The following EMX1 variants were observed in gnomAD, a reference collection of about 807,000 sequenced individuals.
EMX1 encodes empty spiracles homeobox 1.
EMX1 carries 10 observed loss-of-function variants against 20.1 expected under a neutral mutation model. That is an observed-to-expected ratio of 0.50 (90% CI 0.31 to 0.84). The LOEUF (loss-of-function observed/expected upper bound fraction) is 0.84, where lower values mean the gene tolerates loss of function less well. Ranked by LOEUF, EMX1 falls within the 40% of genes least tolerant of loss-of-function variation. EMX1 has a pLI of 0.05. For synonymous variants in EMX1, 250 were observed against 200.4 expected, an observed-to-expected ratio of 1.25 and a Z score of -2.09; for missense variants, 424 against 431.9, an observed-to-expected ratio of 0.98 and a Z score of 0.16.
chr2:72,920,616 A>G (rs1307770203), intron 1 of EMX1, among the ~76,000 whole-genome samples: 1 of 152,206 alleles, frequency 6.6e-6, no homozygotes. Flanking sequence ...CCCCGTCTTA[A>G]TGCAACAAAC....
chr2:72,916,920 C>T, upstream of EMX1: 4 of 717,398 alleles, frequency 5.6e-6, no homozygotes, highest in South Asian at 5.9e-5. Flanking sequence ...GCTCCGGCGG[C>T]TTCTCCCGCG....
In EMX1 at chr2:72,924,009, A is replaced by C. The variant is rs973193507; in HGVS notation, c.521-300A>C. ...CCCCAGGCATTGTGAATGTGGGTCC[A>C]CGCCTCGTCCGGCCTGCCCCATCTC... On this transcript the variant is annotated intron_variant, in intron 1 of 2. Transcript: ENST00000258106. 2.3e-5 allele frequency: 12 copies of C among 525,262 alleles called. No individual in the cohort carries two copies. In the African/African-American group the frequency reaches 2.6e-4, roughly 11 times the overall value. The allele number at this position is 525,262 out of a possible 1,614,324, so 32.5% of individuals were successfully genotyped here.
At chr2:72,920,008 G>T (rs543648229) in intron 1 of EMX1, among the ~76,000 whole-genome samples, 272 of 152,310 alleles carry the variant, frequency 1.8e-3, no homozygotes, top group Middle Eastern at 3.4e-3. Flanking sequence ...GGGCTGGCGG[G>T]TTGGAGGCTT....
intron 2 of EMX1, chr2:72,933,291 A>G (rs1671313845): frequency 6.5e-6 from 1 of 153,224 alleles, no homozygotes; most frequent in African/African-American, 2.4e-5. Flanking sequence ...GGAAAAGAGC[A>G]TGGGGCTGGC....
chr2:72,917,148 T>G (rs1174591765), upstream of EMX1: 1 of 612,414 alleles, frequency 1.6e-6, no homozygotes, highest in Non-Finnish European at 3.0e-6. Context: ...ACATCCACCC[T>G]CCGCTCGGAT....
Position 72,918,592 on chromosome 2 carries a change from CTTTTCTAGAAAATATACCAG to C in EMX1, c.520+223_520+242del, listed in dbSNP as rs1234931020. ...AGGAAAGCAGGTGGAGACCTCCAGG[CTTTTCTAGAAAATATACCAG>C]TTCGGACGCAAGCCCAGGCGCGTCC... is the stretch of plus-strand genomic sequence containing the variant. On this transcript the variant is annotated intron_variant, in intron 1 of 2. Coordinates refer to ENST00000258106, the MANE Select transcript of EMX1 (RefSeq NM_004097.3). Among the ~76,000 whole-genome samples the C allele has an allele frequency of 2.6e-5, 4 of 152,390 alleles. 1 individual carries two copies. Among genetic ancestry groups the C allele is most frequent in the African/African-American group, 9.6e-5 (4 of 41,604 alleles).
chr2:72,918,955 T>A (rs1184888429), intron 1 of EMX1, among the ~76,000 whole-genome samples: 1 of 152,224 alleles, frequency 6.6e-6, no homozygotes, highest in East Asian at 1.9e-4. Context: ...CTTCTCCAAG[T>A]CACACGTGCC....
intron 2 of EMX1, chr2:72,926,127 C>A: frequency 2.0e-6 from 2 of 985,076 alleles, no homozygotes; most frequent in African/African-American, 1.7e-5. Flanking sequence ...TGTAAGAAAA[C>A]AAAAATGGTT....
At chr2:72,928,586 C>T (rs1243915602) in intron 2 of EMX1, among the ~76,000 whole-genome samples, 1 of 152,162 alleles carries the variant, frequency 6.6e-6, no homozygotes, top group African/African-American at 2.4e-5. Context: ...GTCAGTGTTT[C>T]CAGCTACTCC....
chr2:72,929,885 CCTT>C (rs955995628), intron 2 of EMX1, among the ~76,000 whole-genome samples: 2 of 152,228 alleles, frequency 1.3e-5, no homozygotes. Context: ...AGCAGTTTCA[CCTT>C]CTTCATTCTG....
At position 72,918,197 on chromosome 2, in the gene EMX1, C is replaced by T. The variant is rs1464482349; in HGVS notation, c.345C>T (p.Pro115=). ...CGGGCCGCTCGCTCTACGGTGGGCC[C>T]GAGCTCGTGTTCCCCGAGGCCATGA... is the stretch of plus-strand genomic sequence containing the variant. ...AGAGRSLYGG[P]ELVFPEAMNH... The change falls in exon 1 of 3, where the codon CCC becomes CCT. Residue 115 remains proline, a synonymous_variant. Coordinates refer to ENST00000258106, the MANE Select transcript of EMX1 (RefSeq NM_004097.3). 4.5e-6 allele frequency: 7 copies of T among 1,557,976 alleles called. No individual in the cohort carries two copies. In the South Asian group the frequency reaches 5.8e-5, roughly 13 times the overall value.
chr2:72,919,761 G>C (rs905572436), intron 1 of EMX1, among the ~76,000 whole-genome samples: 2 of 152,216 alleles, frequency 1.3e-5, no homozygotes, highest in Non-Finnish European at 1.5e-5. Context: ...AGATTTCAAA[G>C]ACTTGCCCAA....
intron 1 of EMX1, among the ~76,000 whole-genome samples, chr2:72,921,150 C>T (rs913776013): frequency 2.0e-5 from 3 of 152,228 alleles, no homozygotes; most frequent in African/African-American, 2.4e-5. Flanking sequence ...GCTCCCACCT[C>T]CAGCTCCCTC....
rs1026910107 is a variant in EMX1 at position 72,926,024 on chromosome 2, AATT to A, written c.705+1535_705+1537del. On this transcript the variant is annotated intron_variant, in intron 2 of 2. Coordinates refer to ENST00000258106, the MANE Select transcript of EMX1 (RefSeq NM_004097.3). ...CTTTTCCCTCCTGGCAGTGTTTTAA[AATT>A]ATTGTTTGAAACAAGGTGTCAGTTT... 14 of 985,208 alleles carry A rather than the reference AATT, an allele frequency of 1.4e-5. No homozygotes were observed. The South Asian group carries it at 2.3e-4, about 17-fold the overall frequency. The allele number at this position is 985,208 out of a possible 1,614,324, so 61.0% of individuals were successfully genotyped here.
In EMX1 at chr2:72,917,835, G is replaced by A; in HGVS notation, c.-18G>A. 2.2e-6 allele frequency: 3 copies of A among 1,343,450 alleles called. No individual in the cohort carries two copies. The highest frequency in any genetic ancestry group is 2.9e-6 in the Non-Finnish European group (3 of 1,051,404). The allele number at this position is 1,343,450 out of a possible 1,614,324, so 83.2% of individuals were successfully genotyped here. ...CGAGCGGGCGGGCGGGGGAGGTGAGGGGTGCGGGCGGGTGTGCATGTGCCT... is the reference window on the plus strand; with the variant it reads ...CGAGCGGGCGGGCGGGGGAGGTGAGAGGTGCGGGCGGGTGTGCATGTGCCT... On this transcript the variant is annotated 5_prime_UTR_variant, in exon 1 of 3. Coordinates refer to ENST00000258106, the MANE Select transcript of EMX1 (RefSeq NM_004097.3).
chr2:72,920,858 C>A (rs1177750023), intron 1 of EMX1, among the ~76,000 whole-genome samples: 1 of 152,218 alleles, frequency 6.6e-6, no homozygotes, highest in East Asian at 1.9e-4. Flanking sequence ...TCCCCGAGAT[C>A]AGGAACTTTC....
At chr2:72,925,675 G>C (rs894398023) in intron 2 of EMX1, 1 of 1,168,956 alleles carries the variant, frequency 8.6e-7, no homozygotes, top group African/African-American at 1.6e-5. Flanking sequence ...GGCATGGGGG[G>C]CAGCCGGAGC....
At chr2:72,932,696 T>C (rs1671303770) in intron 2 of EMX1, among the ~76,000 whole-genome samples, 1 of 151,820 alleles carries the variant, frequency 6.6e-6, no homozygotes, top group Non-Finnish European at 1.5e-5. Flanking sequence ...CTTAGAACCA[T>C]AGACCTGCCC....
intron 2 of EMX1, among the ~76,000 whole-genome samples, chr2:72,924,754 C>A (rs937461784): frequency 6.6e-6 from 1 of 152,348 alleles, no homozygotes; most frequent in Admixed American, 6.5e-5. Flanking sequence ...GTATCCCGAG[C>A]CCGGCTCCCA....
Sources: allele counts gnomAD v4.1 joint callset (sites outside exome capture counted in the v4.1 genomes callset), GRCh38; gene constraint gnomAD v4.1.1; transcripts MANE v1.5; gene names NCBI Gene and HGNC (gene_info 2026-07-23, HGNC 2026-07-21).